The following RBMS1 variants were observed in gnomAD, a reference collection of about 807,000 sequenced individuals.
RBMS1 encodes the protein RNA binding motif single stranded interacting protein 1, also known as RNA-binding motif, single-stranded-interacting protein 1.
RBMS1 carries 17 observed loss-of-function variants against 62.3 expected under a neutral mutation model. The ratio of observed to expected loss-of-function variants is 0.27; its 90% CI spans 0.19 to 0.41. RBMS1 has a LOEUF of 0.41. RBMS1 is among the 10% of genes least tolerant of loss of function. The pLI, the probability that RBMS1 is intolerant of heterozygous loss-of-function variation, is 1.00. For missense variants in RBMS1, 334 were observed against 504.5 expected (o/e 0.66, Z 3.24); for synonymous variants, 172 against 170.0 (o/e 1.01, Z -0.09).
chr2:160,296,498 A>G (rs1688940914), intron 6 of RBMS1, among the ~76,000 whole-genome samples: 1 of 152,224 alleles, frequency 6.6e-6, no homozygotes, highest in African/African-American at 2.4e-5. Flanking sequence ...TCAGTCATCT[A>G]GCTAAAGATA....
rs577168998 is a variant in RBMS1 at position 160,407,427 on chromosome 2, C to T, written c.76-40036G>A. ...GCGGCCCCCTTTGTAACGCGGGGCTCGCCGACCTCGGCGCGGCATCCCGGC... is the reference window on the plus strand; with the variant it reads ...GCGGCCCCCTTTGTAACGCGGGGCTTGCCGACCTCGGCGCGGCATCCCGGC... On this transcript the variant is annotated intron_variant, in intron 1 of 13. Transcript: ENST00000348849. The T allele has an allele frequency of 1.5e-3, 1,460 of 986,002 alleles. 16 individuals carry two copies. The African/African-American group carries it at 0.024, about 16-fold the overall frequency. The allele number at this position is 986,002 out of a possible 1,614,324, so 61.1% of individuals were successfully genotyped here. A position where few individuals can be genotyped will look rare whatever the true frequency, so the allele number is the denominator to read the frequency against.
chr2:160,331,872 A>G (rs1258040164), intron 2 of RBMS1, among the ~76,000 whole-genome samples: 1 of 152,200 alleles, frequency 6.6e-6, no homozygotes, highest in East Asian at 1.9e-4. Flanking sequence ...AGCCTGGGTC[A>G]GGGAGGGTGC....
intron 2 of RBMS1, among the ~76,000 whole-genome samples, chr2:160,359,995 G>A (rs1171700459): frequency 6.6e-6 from 1 of 152,124 alleles, no homozygotes; most frequent in Non-Finnish European, 1.5e-5. Context: ...GCTGAGGCAG[G>A]AGAATCGCTT....
intron 2 of RBMS1, among the ~76,000 whole-genome samples, chr2:160,338,429 G>T (rs1691694211): frequency 6.6e-6 from 1 of 151,958 alleles, no homozygotes; most frequent in Admixed American, 6.6e-5. Context: ...AGAGACTATA[G>T]AGTACTCAAT....
At chr2:160,386,276 G>T (rs1320655522) in intron 1 of RBMS1, among the ~76,000 whole-genome samples, 1 of 152,200 alleles carries the variant, frequency 6.6e-6, no homozygotes, top group African/African-American at 2.4e-5. Flanking sequence ...AGTGGCTCAC[G>T]CCTGTAATCC....
intron 2 of RBMS1, among the ~76,000 whole-genome samples, chr2:160,319,781 G>A (rs1322755732): frequency 1.3e-5 from 2 of 151,958 alleles, no homozygotes; most frequent in African/African-American, 4.8e-5. Flanking sequence ...GAAACAAGCT[G>A]AAATATATTT....
intron 1 of RBMS1, among the ~76,000 whole-genome samples, chr2:160,438,081 T>C (rs1420924958): frequency 6.6e-6 from 1 of 152,200 alleles, no homozygotes; most frequent in Admixed American, 6.5e-5. Context: ...AAGAAGTCAC[T>C]TTGATGTTGA....
At chr2:160,300,057 A>C (rs1689130239) in intron 6 of RBMS1, among the ~76,000 whole-genome samples, 1 of 152,186 alleles carries the variant, frequency 6.6e-6, no homozygotes, top group Non-Finnish European at 1.5e-5. Flanking sequence ...TGATTTTAAC[A>C]CTCAAAAATG....
intron 2 of RBMS1, among the ~76,000 whole-genome samples, chr2:160,356,467 A>G (rs573550074): frequency 7.2e-6 from 1 of 139,158 alleles, no homozygotes; most frequent in East Asian, 1.9e-4. Context: ...GATGAGGTAA[A>G]GAGGAAGTTA....
intron 1 of RBMS1, among the ~76,000 whole-genome samples, chr2:160,444,423 T>C (rs1302341273): frequency 6.6e-6 from 1 of 152,232 alleles, no homozygotes; most frequent in African/African-American, 2.4e-5. Flanking sequence ...CTAACTTTTA[T>C]TGAGCACTTT....
At chr2:160,282,146 C>T (rs548501356) in intron 9 of RBMS1, 2 of 1,018,880 alleles carry the variant, frequency 2.0e-6, no homozygotes, top group South Asian at 2.6e-5. Context: ...TTTCAGTTTC[C>T]AATTCTTAAC....
chr2:160,423,840 G>A (rs564241307), intron 1 of RBMS1, among the ~76,000 whole-genome samples: 1 of 152,028 alleles, frequency 6.6e-6, no homozygotes, highest in African/African-American at 2.4e-5. Flanking sequence ...TACTGAAACT[G>A]GTGTGCCCCA....
chr2:160,309,904 C>G (rs749026270), intron 4 of RBMS1, among the ~76,000 whole-genome samples: 1 of 152,068 alleles, frequency 6.6e-6, no homozygotes, highest in Non-Finnish European at 1.5e-5. Flanking sequence ...TGGAGCAGAC[C>G]TAATCCAGGG....
chr2:160,457,102 T>G (rs1684269140), intron 1 of RBMS1, among the ~76,000 whole-genome samples: 1 of 151,298 alleles, frequency 6.6e-6, no homozygotes, highest in Non-Finnish European at 1.5e-5. Context: ...TTATTATGTT[T>G]ATTTTATTTT....
chr2:160,387,749 C>A (rs1397381828), intron 1 of RBMS1, among the ~76,000 whole-genome samples: 1 of 152,060 alleles, frequency 6.6e-6, no homozygotes, highest in African/African-American at 2.4e-5. Flanking sequence ...ACAGATCCTC[C>A]CACCCCATAA....
chr2:160,379,034 A>T (rs546777920), intron 1 of RBMS1, among the ~76,000 whole-genome samples: 20 of 152,294 alleles, frequency 1.3e-4, no homozygotes, highest in Admixed American at 7.2e-4. Context: ...AGCATGGGCA[A>T]CATGGCAAAA....
At chr2:160,407,810 G>C in intron 1 of RBMS1, 1 of 981,244 alleles carries the variant, frequency 1.0e-6, no homozygotes, top group Non-Finnish European at 1.2e-6. Context: ...ACGGGAGTTC[G>C]CGCGCGGAGC....
intron 1 of RBMS1, among the ~76,000 whole-genome samples, chr2:160,463,527 T>C (rs1252632362): frequency 6.6e-5 from 10 of 152,324 alleles, no homozygotes; most frequent in Admixed American, 5.9e-4. Context: ...CTCAGGCCTA[T>C]AATCCCAGCA....
chr2:160,438,711 TC>T (rs1265511728), intron 1 of RBMS1, among the ~76,000 whole-genome samples: 1 of 151,960 alleles, frequency 6.6e-6, no homozygotes, highest in Non-Finnish European at 1.5e-5. Context: ...TCCCCACCTT[TC>T]CCCCCTTTCT....
Sources: allele counts gnomAD v4.1 joint callset (sites outside exome capture counted in the v4.1 genomes callset), GRCh38; gene constraint gnomAD v4.1.1; transcripts MANE v1.5; gene names NCBI Gene and HGNC (gene_info 2026-07-23, HGNC 2026-07-21).